The following CNTNAP2 variants were observed in gnomAD, a reference collection of about 807,000 sequenced individuals.
The protein encoded by CNTNAP2 is contactin associated protein 2, also known as contactin-associated protein-like 2.
In CNTNAP2, 98 loss-of-function variants were observed where a neutral mutation model predicts 155.2. That is an observed-to-expected ratio of 0.63 (90% CI 0.54 to 0.75). The LOEUF (loss-of-function observed/expected upper bound fraction) is 0.75. Ranked by LOEUF, CNTNAP2 falls within the 30% of genes least tolerant of loss-of-function variation. The pLI, the probability that CNTNAP2 is intolerant of heterozygous loss-of-function variation, is 0.00. For missense variants in CNTNAP2, 1,727 were observed against 1,688.1 expected (o/e 1.02, Z -0.40); for synonymous variants, 651 against 631.2 (o/e 1.03, Z -0.47).
chr7:146,500,075 T>G (rs1308207392), intron 1 of CNTNAP2, among the ~76,000 whole-genome samples: 10 of 152,208 alleles, frequency 6.6e-5, no homozygotes, highest in Non-Finnish European at 1.2e-4. Context: ...CTTGCTGAAC[T>G]CATTTATTAA....
chr7:148,172,433 T>G lies in CNTNAP2; in HGVS notation c.2965T>G (p.Cys989Gly). Residue 989 changes from cysteine (C) to glycine (G), a missense_variant, in exon 18 of 24, where the codon TGC (cysteine) becomes GGC (glycine). By Grantham distance (159) the Cys-to-Gly change is radical. Transcript: ENST00000361727. ...CCTAGAGAGATACCACGGTTACTCC[T>G]GCGATTGCTCTAATACTGCATATGA... is the stretch of plus-strand genomic sequence containing the variant. Reference protein sequence around the residue: ...KCLERYHGYSCDCSNTAYDGT... With the variant: ...KCLERYHGYSGDCSNTAYDGT... The G allele has an allele frequency of 6.2e-7, 1 of 1,614,216 alleles. No homozygotes were observed. The highest frequency in any genetic ancestry group is 8.5e-7 in the Non-Finnish European group (1 of 1,180,032).
intron 15 of CNTNAP2, among the ~76,000 whole-genome samples, chr7:148,020,776 C>T (rs4726910): frequency 0.38 from 57,739 of 152,016 alleles, 11,685 homozygotes; most frequent in African/African-American, 0.53. Flanking sequence ...ATCTTCCTTC[C>T]GACTACTTTG....
chr7:146,670,786 C>A (rs1451277828), intron 1 of CNTNAP2, among the ~76,000 whole-genome samples: 2 of 152,090 alleles, frequency 1.3e-5, no homozygotes, highest in African/African-American at 4.8e-5. Flanking sequence ...GTGAGAGGAC[C>A]ATTCTCACTA....
chr7:146,135,872 C>G (rs920618155), intron 1 of CNTNAP2, among the ~76,000 whole-genome samples: 4 of 152,028 alleles, frequency 2.6e-5, no homozygotes, highest in Non-Finnish European at 5.9e-5. Flanking sequence ...GCTTGTCTCT[C>G]TATGTTCAAG....
intron 12 of CNTNAP2, among the ~76,000 whole-genome samples, chr7:147,585,469 A>G (rs901423559): frequency 6.7e-6 from 1 of 149,468 alleles, no homozygotes; most frequent in African/African-American, 2.4e-5. Context: ...TGTGTAAATA[A>G]TATTTATTAT....
At chr7:148,026,829 G>T (rs114176979) in intron 15 of CNTNAP2, among the ~76,000 whole-genome samples, 1,665 of 152,198 alleles carry the variant, frequency 0.011, 25 homozygotes, top group African/African-American at 0.037. Context: ...ATCAGTACCT[G>T]AGGTCTACCA....
At chr7:147,361,129 A>T (rs6979996) in intron 9 of CNTNAP2, among the ~76,000 whole-genome samples, 2 of 152,244 alleles carry the variant, frequency 1.3e-5, no homozygotes, top group African/African-American at 4.8e-5. Flanking sequence ...AAAAAGATTA[A>T]CTAAATAATC....
At chr7:148,370,673 C>T (rs1798871662) in intron 21 of CNTNAP2, among the ~76,000 whole-genome samples, 1 of 152,122 alleles carries the variant, frequency 6.6e-6, no homozygotes, top group Admixed American at 6.5e-5. Flanking sequence ...TCCACCGCAC[C>T]CCACCAGCTG....
chr7:148,033,472 C>T (rs10808049), intron 15 of CNTNAP2, among the ~76,000 whole-genome samples: 111,116 of 150,742 alleles, frequency 0.74, 41,662 homozygotes, highest in African/African-American at 0.87. Context: ...TTCCCTTCCT[C>T]TACCCGCCAC....
intron 4 of CNTNAP2, among the ~76,000 whole-genome samples, chr7:147,086,095 C>A (rs1219819084): frequency 6.6e-6 from 1 of 152,114 alleles, no homozygotes. Context: ...GTGTTTTCAA[C>A]CTGAATACTA....
intron 20 of CNTNAP2, among the ~76,000 whole-genome samples, chr7:148,231,033 G>T (rs1795951177): frequency 6.6e-6 from 1 of 152,098 alleles, no homozygotes; most frequent in Admixed American, 6.6e-5. Flanking sequence ...CACCCAATTT[G>T]TCACCTCTTT....
At chr7:146,291,284 G>A (rs1800424500) in intron 1 of CNTNAP2, among the ~76,000 whole-genome samples, 1 of 152,036 alleles carries the variant, frequency 6.6e-6, no homozygotes, top group African/African-American at 2.4e-5. Flanking sequence ...TATCTCATGG[G>A]CCAAATTCAG....
chr7:146,692,508 T>A (rs753944507), intron 1 of CNTNAP2, among the ~76,000 whole-genome samples: 9 of 152,160 alleles, frequency 5.9e-5, no homozygotes, highest in Non-Finnish European at 8.8e-5. Context: ...TAATTGCAAG[T>A]GCAATTTTAA....
intron 1 of CNTNAP2, among the ~76,000 whole-genome samples, chr7:146,567,950 C>T (rs1342712301): frequency 6.6e-6 from 1 of 152,108 alleles, no homozygotes; most frequent in East Asian, 1.9e-4. Context: ...TCTCGAAAAA[C>T]ATTTTTTATA....
chr7:147,815,909 C>T (rs1485868411), intron 13 of CNTNAP2, among the ~76,000 whole-genome samples: 1 of 152,224 alleles, frequency 6.6e-6, no homozygotes, highest in Non-Finnish European at 1.5e-5. Flanking sequence ...CCAGTACTCT[C>T]TTTCAGCAGT....
chr7:146,922,945 T>G (rs895386019), intron 3 of CNTNAP2, among the ~76,000 whole-genome samples: 2 of 151,992 alleles, frequency 1.3e-5, no homozygotes, highest in Admixed American at 6.6e-5. Context: ...ATTACTAGAG[T>G]AAAGACCACA....
chr7:148,356,918 A>T (rs1310095489), intron 21 of CNTNAP2, among the ~76,000 whole-genome samples: 1 of 152,056 alleles, frequency 6.6e-6, no homozygotes, highest in Non-Finnish European at 1.5e-5. Flanking sequence ...CAAAAAAAAA[A>T]ACCCTTCCTC....
At chr7:146,466,103 TGTAAACTA>T (rs1796713771) in intron 1 of CNTNAP2, among the ~76,000 whole-genome samples, 1 of 152,172 alleles carries the variant, frequency 6.6e-6, no homozygotes, top group African/African-American at 2.4e-5. Context: ...GAAATGATGA[TGTAAACTA>T]GAATCAAAAA....
chr7:146,978,355 G>A (rs929356541), intron 3 of CNTNAP2, among the ~76,000 whole-genome samples: 12 of 152,114 alleles, frequency 7.9e-5, no homozygotes, highest in African/African-American at 2.4e-4. Context: ...GCTGCACATG[G>A]AGGGCACCAG....
Sources: gnomAD v4.1 joint callset for allele counts (sites outside exome capture counted in the v4.1 genomes callset) on GRCh38, gnomAD v4.1.1 for gene constraint, MANE v1.5 for transcripts, NCBI Gene and HGNC (gene_info 2026-07-23, HGNC 2026-07-21) for gene names.